The following SGCZ variants were observed in gnomAD, a reference collection of about 807,000 sequenced individuals.
SGCZ encodes sarcoglycan zeta.
Under a neutral mutation model 41.3 loss-of-function variants are expected in SGCZ, and 40 were observed. The ratio of observed to expected loss-of-function variants is 0.97; its 90% CI spans 0.75 to 1.26. SGCZ has a LOEUF of 1.26. Among genes scored for constraint, SGCZ ranks in the 50% most tolerant of loss-of-function variants. The pLI is 0.00. For synonymous variants in SGCZ, 206 were observed against 137.5 expected (o/e 1.50, Z -3.49); for missense variants, 552 against 369.8 (o/e 1.49, Z -4.04).
At chr8:14,462,903 T>G (rs1037877989) in intron 2 of SGCZ, among the ~76,000 whole-genome samples, 1 of 151,662 alleles carries the variant, frequency 6.6e-6, no homozygotes, top group Non-Finnish European at 1.5e-5. Context: ...ATTGTACAAA[T>G]GTATCACCTC....
chr8:14,427,885 T>C (rs1799830966), intron 2 of SGCZ, among the ~76,000 whole-genome samples: 1 of 152,088 alleles, frequency 6.6e-6, no homozygotes, highest in Admixed American at 6.6e-5. Context: ...ATAAAAATAA[T>C]GCATTAAAAA....
At chr8:14,367,397 C>T (rs186254438) in intron 2 of SGCZ, among the ~76,000 whole-genome samples, 1 of 152,164 alleles carries the variant, frequency 6.6e-6, no homozygotes, top group African/African-American at 2.4e-5. Context: ...CTGTTAGTTC[C>T]AAGGTCGCTT....
At chr8:14,955,721 T>C (rs550797032) in intron 1 of SGCZ, among the ~76,000 whole-genome samples, 44 of 152,330 alleles carry the variant, frequency 2.9e-4, no homozygotes, top group Non-Finnish European at 5.1e-4. Context: ...CAAGACCTTT[T>C]TTTTCATTCA....
In SGCZ at chr8:14,781,063, T is replaced by C. The variant is rs1800573081; in HGVS notation, c.40-226137A>G. ...AATATTTAGTATGGAATTAAGTTAGTGTATATGCCTGAGGGATGCAGTCAG... is the reference window on the plus strand; with the variant it reads ...AATATTTAGTATGGAATTAAGTTAGCGTATATGCCTGAGGGATGCAGTCAG... On this transcript the variant is annotated intron_variant, in intron 1 of 7. Transcript: ENST00000382080. Among the ~76,000 whole-genome samples, 3 of 152,294 alleles carry C rather than the reference T, an allele frequency of 2.0e-5. No homozygotes were observed. In the South Asian group the frequency reaches 6.2e-4, roughly 32 times the overall value.
At chr8:14,837,753 C>T (rs1472701697) in intron 1 of SGCZ, among the ~76,000 whole-genome samples, 2 of 151,934 alleles carry the variant, frequency 1.3e-5, no homozygotes, top group South Asian at 2.1e-4. Flanking sequence ...TGTGAAGAAT[C>T]GTACTTAGAT....
At chr8:14,645,795 A>T (rs916050779) in intron 1 of SGCZ, among the ~76,000 whole-genome samples, 1 of 151,752 alleles carries the variant, frequency 6.6e-6, no homozygotes, top group Non-Finnish European at 1.5e-5. Context: ...TACACTCATT[A>T]ACAATGTAAG....
At chr8:14,893,804 A>G (rs1262647950) in intron 1 of SGCZ, among the ~76,000 whole-genome samples, 1 of 152,206 alleles carries the variant, frequency 6.6e-6, no homozygotes, top group African/African-American at 2.4e-5. Context: ...TTGTTAGTAT[A>G]AAAGGAAACA....
intron 1 of SGCZ, among the ~76,000 whole-genome samples, chr8:14,808,629 G>A (rs1801632324): frequency 6.6e-6 from 1 of 152,166 alleles, no homozygotes; most frequent in Non-Finnish European, 1.5e-5. Context: ...TACACTGTTG[G>A]TGGGACTGCA....
At chr8:15,147,495 C>G (rs1379746518) in intron 1 of SGCZ, among the ~76,000 whole-genome samples, 1 of 152,158 alleles carries the variant, frequency 6.6e-6, no homozygotes, top group Non-Finnish European at 1.5e-5. Flanking sequence ...TCAGGCTGGT[C>G]TCGAACTCCT....
At chr8:14,191,225 T>A (rs1805090301) in intron 4 of SGCZ, among the ~76,000 whole-genome samples, 1 of 152,246 alleles carries the variant, frequency 6.6e-6, no homozygotes, top group Non-Finnish European at 1.5e-5. Context: ...GTGTTATATA[T>A]TTTGAATATT....
At chr8:14,467,990 C>A (rs1001994029) in intron 2 of SGCZ, among the ~76,000 whole-genome samples, 17 of 151,804 alleles carry the variant, frequency 1.1e-4, no homozygotes, top group Non-Finnish European at 1.5e-4. Context: ...TTAATATTGA[C>A]CATTTAATAT....
intron 2 of SGCZ, chr8:14,488,003 C>A (rs1033753129): frequency 3.7e-4 from 24 of 64,702 alleles, no homozygotes; most frequent in Non-Finnish European, 5.8e-4. Context: ...ATCAGGAACC[C>A]CACTTTTGAG....
chr8:15,076,575 G>C (rs1172961896), intron 1 of SGCZ, among the ~76,000 whole-genome samples: 3 of 152,036 alleles, frequency 2.0e-5, no homozygotes, highest in Non-Finnish European at 4.4e-5. Flanking sequence ...TTCATTTCCT[G>C]TTGTTTACCA....
chr8:14,453,631 C>A (rs2116932474), intron 2 of SGCZ, among the ~76,000 whole-genome samples: 1 of 152,266 alleles, frequency 6.6e-6, no homozygotes, highest in Non-Finnish European at 1.5e-5. Flanking sequence ...AGGGAAACTG[C>A]AAATATTACC....
chr8:14,577,348 T>C (rs545072117), intron 1 of SGCZ, among the ~76,000 whole-genome samples: 64 of 151,558 alleles, frequency 4.2e-4, no homozygotes, highest in African/African-American at 1.4e-3. Flanking sequence ...CAACATTTAA[T>C]AATTTTACAT....
chr8:14,381,820 A>G (rs965333368), intron 2 of SGCZ, among the ~76,000 whole-genome samples: 2 of 152,006 alleles, frequency 1.3e-5, no homozygotes, highest in African/African-American at 4.8e-5. Context: ...CAAACAAACA[A>G]AAAACTTTAA....
chr8:14,647,677 T>C (rs1015129148), intron 1 of SGCZ, among the ~76,000 whole-genome samples: 1 of 152,012 alleles, frequency 6.6e-6, no homozygotes, highest in African/African-American at 2.4e-5. Flanking sequence ...CATTCAAATA[T>C]AAATAATCTA....
Position 15,009,714 on chromosome 8 carries a change from G to C in SGCZ, c.39+227871C>G, listed in dbSNP as rs537956076. On this transcript the variant is annotated intron_variant, in intron 1 of 7. Transcript: ENST00000382080. ...TCAGGCTCCTGAAAGTTTATTCCTT[G>C]ATCTGTGTCCCTCACACTCTTCATA... Among the ~76,000 whole-genome samples, 4 of 152,246 alleles carry C rather than the reference G, an allele frequency of 2.6e-5. No homozygotes were observed. The South Asian group carries it at 8.3e-4, about 32-fold the overall frequency.
At chr8:14,190,014 CTTTT>C (rs71304966) in intron 4 of SGCZ, among the ~76,000 whole-genome samples, 8 of 100,202 alleles carry the variant, frequency 8.0e-5, no homozygotes, top group African/African-American at 2.8e-4. Context: ...TTCTTTCTTT[CTTTT>C]TTTTTTTTTT....
Sources: allele counts gnomAD v4.1 joint callset (sites outside exome capture counted in the v4.1 genomes callset), GRCh38; gene constraint gnomAD v4.1.1; transcripts MANE v1.5; gene names NCBI Gene and HGNC (gene_info 2026-07-23, HGNC 2026-07-21).